Variants in UBE2E2 observed in about 807,000 individuals in gnomAD.
UBE2E2 encodes the protein ubiquitin conjugating enzyme E2 E2.
Under a neutral mutation model 24.7 loss-of-function variants are expected in UBE2E2, and 6 were observed. That is an observed-to-expected ratio of 0.24 (90% CI 0.13 to 0.48). The LOEUF is 0.48. Ranked by LOEUF, UBE2E2 falls within the 20% of genes least tolerant of loss-of-function variation. The pLI is 0.99. For synonymous variants in UBE2E2, 104 were observed against 83.6 expected, an observed-to-expected ratio of 1.24 and a Z score of -1.33; for missense variants, 169 against 245.0, an observed-to-expected ratio of 0.69 and a Z score of 2.07.
intron 5 of UBE2E2, among the ~76,000 whole-genome samples, chr3:23,588,864 A>G (rs1037442376): frequency 1.3e-5 from 2 of 152,132 alleles, no homozygotes; most frequent in African/African-American, 4.8e-5. Flanking sequence ...ATTAACATCT[A>G]TTAGTATTTT....
chr3:23,320,536 T>G (rs191846542), intron 3 of UBE2E2, among the ~76,000 whole-genome samples: 72 of 152,320 alleles, frequency 4.7e-4, no homozygotes, highest in Admixed American at 5.9e-4. Context: ...CTAATCTACT[T>G]TGCCTCTATA....
chr3:23,250,337 A>G (rs1697539015), intron 3 of UBE2E2, among the ~76,000 whole-genome samples: 1 of 152,182 alleles, frequency 6.6e-6, no homozygotes, highest in Non-Finnish European at 1.5e-5. Flanking sequence ...TGCCTACTCC[A>G]GTTCCTTGAA....
chr3:23,505,097 T>A (rs1420737412), intron 4 of UBE2E2, among the ~76,000 whole-genome samples: 1 of 150,880 alleles, frequency 6.6e-6, no homozygotes, highest in Non-Finnish European at 1.5e-5. Flanking sequence ...TTTGTTTTTT[T>A]TTTTGTAGAG....
intron 3 of UBE2E2, among the ~76,000 whole-genome samples, chr3:23,317,168 C>T (rs1694605075): frequency 6.6e-6 from 1 of 152,150 alleles, no homozygotes; most frequent in Admixed American, 6.5e-5. Flanking sequence ...CCCAGCACGG[C>T]ACTAGGACTT....
chr3:23,387,606 A>G (rs1038130874), intron 3 of UBE2E2, among the ~76,000 whole-genome samples: 1 of 152,174 alleles, frequency 6.6e-6, no homozygotes, highest in African/African-American at 2.4e-5. Flanking sequence ...CCTGTTATCA[A>G]TGGCTCATGT....
rs78715556 is a variant in UBE2E2, at chr3:23,443,602, G to A, written c.228-56006G>A. Among the ~76,000 whole-genome samples, 944 of 152,258 alleles carry A rather than the reference G, an allele frequency of 6.2e-3. 13 individuals carry two copies. The highest frequency in any genetic ancestry group is 0.021 in the African/African-American group (890 of 41,542). ...ATGCAAGTGGGGAATCCAAAGCAGCGTCAACGCAGATGCCATAGAGTACAA... is the reference window on the plus strand; with the variant it reads ...ATGCAAGTGGGGAATCCAAAGCAGCATCAACGCAGATGCCATAGAGTACAA... On this transcript the variant is annotated intron_variant, in intron 3 of 5. Coordinates refer to ENST00000396703, the MANE Select transcript of UBE2E2 (RefSeq NM_152653.4).
At chr3:23,496,624 A>G (rs565885891) in intron 3 of UBE2E2, among the ~76,000 whole-genome samples, 8 of 152,270 alleles carry the variant, frequency 5.3e-5, no homozygotes, top group Non-Finnish European at 8.8e-5. Flanking sequence ...TGTCACTGCT[A>G]TATAGTATTC....
At chr3:23,311,618 A>G (rs1482577431) in intron 3 of UBE2E2, among the ~76,000 whole-genome samples, 2 of 152,174 alleles carry the variant, frequency 1.3e-5, no homozygotes, top group East Asian at 1.9e-4. Flanking sequence ...TAATCTGGGA[A>G]AAAAAATGGA....
chr3:23,526,488 T>C (rs192663040), intron 4 of UBE2E2, among the ~76,000 whole-genome samples: 16 of 152,312 alleles, frequency 1.1e-4, no homozygotes, highest in African/African-American at 3.8e-4. Flanking sequence ...GTGGGCTCTT[T>C]ATGTATGCCA....
intron 3 of UBE2E2, among the ~76,000 whole-genome samples, chr3:23,394,828 C>T (rs1697036209): frequency 6.6e-6 from 1 of 152,150 alleles, no homozygotes; most frequent in African/African-American, 2.4e-5. Flanking sequence ...TTTGAATAGC[C>T]AGCTTTCAGT....
intron 5 of UBE2E2, among the ~76,000 whole-genome samples, chr3:23,577,393 T>G (rs1696369150): frequency 6.6e-6 from 1 of 150,534 alleles, no homozygotes; most frequent in East Asian, 1.9e-4. Flanking sequence ...GGATAGACAG[T>G]CAGACCAGCT....
chr3:23,286,419 G>GT (rs1225609276), intron 3 of UBE2E2, among the ~76,000 whole-genome samples: 1 of 152,120 alleles, frequency 6.6e-6, no homozygotes. Flanking sequence ...CCTTTCTTCA[G>GT]TGTATGTTCT....
intron 3 of UBE2E2, among the ~76,000 whole-genome samples, chr3:23,223,696 A>G (rs868468175): frequency 8.6e-5 from 13 of 152,042 alleles, no homozygotes; most frequent in South Asian, 2.1e-4. Context: ...TCCCAGTTGT[A>G]TATTTTTGCT....
intron 3 of UBE2E2, chr3:23,449,780 A>T: frequency 1.4e-6 from 1 of 716,756 alleles, no homozygotes; most frequent in Non-Finnish European, 1.7e-6. Context: ...ATAATCCAGT[A>T]AGCAGTGTTT....
intron 4 of UBE2E2, among the ~76,000 whole-genome samples, chr3:23,525,302 A>C (rs560145512): frequency 6.6e-6 from 1 of 152,120 alleles, no homozygotes; most frequent in East Asian, 1.9e-4. Context: ...AGGAATTAGG[A>C]TGTGGACATC....
In UBE2E2 at chr3:23,208,827, GA is replaced by G; in HGVS notation, c.133del (p.Ile45TyrfsTer93). The G allele has an allele frequency of 6.2e-7, 1 of 1,613,278 alleles. No individual in the cohort carries two copies. Among genetic ancestry groups the G allele is most frequent in the East Asian group, 2.2e-5 (1 of 44,822 alleles). On this transcript the variant is annotated frameshift_variant, in exon 2 of 6. Transcript: ENST00000396703. LOFTEE classifies it high-confidence loss of function. Reference protein sequence around the residue: ...REQVQPKKKEGKISSKTAAKL... With the variant: ...REQVQPKKKEXKISSKTAAKL... ...CAAGTTCAGCCCAAGAAAAAGGAGG[GA>G]AAAATATCCAGCAAAACCGCTGCTA...
chr3:23,351,065 G>C (rs982594394), intron 3 of UBE2E2, among the ~76,000 whole-genome samples: 21 of 152,220 alleles, frequency 1.4e-4, no homozygotes, highest in Admixed American at 1.1e-3. Flanking sequence ...AGCCAGAAGA[G>C]AGTGGGGACA....
At chr3:23,244,662 A>G (rs1317492278) in intron 3 of UBE2E2, among the ~76,000 whole-genome samples, 4 of 152,140 alleles carry the variant, frequency 2.6e-5, no homozygotes, top group South Asian at 4.1e-4. Context: ...TTGAATTTGT[A>G]AGCACATGCT....
intron 3 of UBE2E2, among the ~76,000 whole-genome samples, chr3:23,389,015 A>G (rs1442533424): frequency 1.4e-5 from 2 of 148,134 alleles, no homozygotes; most frequent in African/African-American, 2.5e-5. Context: ...AAAAAAAAAA[A>G]AAAGAAAAAG....
Sources: gnomAD v4.1 joint callset for allele counts (sites outside exome capture counted in the v4.1 genomes callset) on GRCh38, gnomAD v4.1.1 for gene constraint, MANE v1.5 for transcripts, NCBI Gene and HGNC (gene_info 2026-07-23, HGNC 2026-07-21) for gene names.